Variants in BARX2 observed in about 807,000 individuals in gnomAD.
The protein encoded by BARX2 is BARX homeobox 2, also known as homeobox protein BarH-like 2.
BARX2 carries 11 observed loss-of-function variants against 25.5 expected under a neutral mutation model. That is an observed-to-expected ratio of 0.43 (90% confidence interval 0.27 to 0.71). BARX2 has a LOEUF of 0.71. Among genes scored for constraint, BARX2 ranks in the 30% least tolerant of loss-of-function variants. The pLI, the probability that BARX2 is intolerant of heterozygous loss-of-function variation, is 0.19. For synonymous variants in BARX2, 137 were observed against 149.5 expected (o/e 0.92, Z 0.61); for missense variants, 360 against 359.9 (o/e 1.00, Z 0.00).
intron 1 of BARX2, among the ~76,000 whole-genome samples, chr11:129,394,195 A>G (rs1010825330): frequency 1.9e-4 from 29 of 152,156 alleles, no homozygotes; most frequent in African/African-American, 7.0e-4. Flanking sequence ...TGCATTTCCC[A>G]GATTCCTCTC....
At chr11:129,448,429 A>G (rs1862356437) in intron 3 of BARX2, among the ~76,000 whole-genome samples, 1 of 152,254 alleles carries the variant, frequency 6.6e-6, no homozygotes, top group Non-Finnish European at 1.5e-5. Context: ...CTCAATAATA[A>G]AAAGACAACC....
intron 1 of BARX2, among the ~76,000 whole-genome samples, chr11:129,410,981 T>G (rs901009335): frequency 1.3e-5 from 2 of 152,158 alleles, no homozygotes; most frequent in Admixed American, 6.5e-5. Context: ...TCCAAGTACA[T>G]TCTTAGACAG....
rs1053728379 is a variant in BARX2 at position 129,390,718 on chromosome 11, G to A, written c.187+14496G>A. On this transcript the variant is annotated intron_variant, in intron 1 of 3. Transcript: ENST00000281437. The surrounding 1 kb of genome is among the most constrained non-coding windows in gnomAD (Gnocchi z 4.3). ...TGAGTACGTGCTTATTTTCAGAGGC[G>A]TTCCCCATAACTGACAGCAGTCAAT... is the stretch of plus-strand genomic sequence containing the variant. Among the ~76,000 whole-genome samples, 2 of 152,252 alleles carry A rather than the reference G, an allele frequency of 1.3e-5. No individual in the cohort carries two copies. Among genetic ancestry groups the A allele is most frequent in the East Asian group, 1.9e-4 (1 of 5,180 alleles).
intron 1 of BARX2, among the ~76,000 whole-genome samples, chr11:129,389,727 T>TA (rs1861648463): frequency 6.4e-5 from 2 of 31,494 alleles, no homozygotes; most frequent in South Asian, 9.6e-4. Context: ...TTTTTTTTTT[T>TA]GAAAAAAAAT....
intron 2 of BARX2, chr11:129,442,606 C>G: frequency 1.9e-6 from 1 of 519,698 alleles, no homozygotes; most frequent in Non-Finnish European, 3.5e-6. Context: ...AGGATGGGGA[C>G]TGGCCCAGGT....
At chr11:129,382,995 C>T (rs559139554) in intron 1 of BARX2, among the ~76,000 whole-genome samples, 70 of 152,296 alleles carry the variant, frequency 4.6e-4, no homozygotes, top group African/African-American at 1.6e-3. Flanking sequence ...GAGGATGGAA[C>T]GGTAGTTTCT....
intron 2 of BARX2, 185 bp downstream of exon 2, chr11:129,437,236 C>A (rs572273683): frequency 3.0e-6 from 2 of 673,716 alleles, no homozygotes; most frequent in East Asian, 6.4e-5. Flanking sequence ...ATCCACCACA[C>A]GGTCCCTGGA....
chr11:129,445,102 T>C (rs1265684700), intron 3 of BARX2, among the ~76,000 whole-genome samples: 1 of 152,220 alleles, frequency 6.6e-6, no homozygotes, highest in Admixed American at 6.5e-5. Flanking sequence ...CCAAAAACTC[T>C]ACAGTGCCAA....
At chr11:129,445,316 T>C (rs566942961) in intron 3 of BARX2, among the ~76,000 whole-genome samples, 1 of 152,306 alleles carries the variant, frequency 6.6e-6, no homozygotes, top group Admixed American at 6.5e-5. Flanking sequence ...AGCAGAGGCA[T>C]TGTTTAAATT....
chr11:129,406,834 AG>A (rs2135395911), intron 1 of BARX2, among the ~76,000 whole-genome samples: 1 of 152,360 alleles, frequency 6.6e-6, no homozygotes, highest in East Asian at 1.9e-4. Context: ...ATGGGAGCAA[AG>A]GGACCACTGG....
At chr11:129,434,485 GAACTGCTGGCTTC>G (rs1475186086) in intron 1 of BARX2, among the ~76,000 whole-genome samples, 4 of 139,018 alleles carry the variant, frequency 2.9e-5, no homozygotes, top group Non-Finnish European at 4.6e-5. Flanking sequence ...GGCTGGTCTT[GAACTGCTGGCTTC>G]AAGCAGTCCT....
intron 1 of BARX2, among the ~76,000 whole-genome samples, chr11:129,426,675 C>T (rs113824909): frequency 3.4e-4 from 52 of 152,322 alleles, no homozygotes; most frequent in African/African-American, 1.1e-3. Context: ...CCACACCTGG[C>T]CCCGCTGCCT....
At chr11:129,391,038 A>G (rs1861660692) in intron 1 of BARX2, among the ~76,000 whole-genome samples, 1 of 152,172 alleles carries the variant, frequency 6.6e-6, no homozygotes, top group African/African-American at 2.4e-5. Context: ...GGTAAAACAC[A>G]TCTTACCTCC....
chr11:129,430,297 CATACTT>C (rs1337484919), intron 1 of BARX2, among the ~76,000 whole-genome samples: 1 of 149,722 alleles, frequency 6.7e-6, no homozygotes, highest in East Asian at 1.9e-4. Flanking sequence ...AAAAATGTGA[CATACTT>C]ATATTTTGTA....
chr11:129,420,033 G>A (rs116478651), intron 1 of BARX2, among the ~76,000 whole-genome samples: 2,105 of 151,956 alleles, frequency 0.014, 41 homozygotes, highest in African/African-American at 0.047. Context: ...CGCCTGCATC[G>A]GCCTCCCAAA....
At chr11:129,441,199 C>T (rs903659131) in intron 2 of BARX2, among the ~76,000 whole-genome samples, 5 of 152,146 alleles carry the variant, frequency 3.3e-5, no homozygotes, top group South Asian at 2.1e-4. Context: ...AGCATCCCTG[C>T]GATCCCCTTT....
At chr11:129,405,975 G>A (rs1861825449) in intron 1 of BARX2, among the ~76,000 whole-genome samples, 2 of 152,062 alleles carry the variant, frequency 1.3e-5, no homozygotes, top group Non-Finnish European at 2.9e-5. Flanking sequence ...TGATTGTCTT[G>A]CTTTATAGGT....
At position 129,414,872 on chromosome 11, in the gene BARX2, G is replaced by A. The variant is rs569237212; in HGVS notation, c.188-21879G>A. 1.2e-4 allele frequency among the ~76,000 whole-genome samples: 18 copies of A among 152,308 alleles called. No individual in the cohort carries two copies. The South Asian group carries it at 1.2e-3, about 11-fold the overall frequency. ...AGTTTAGGCCAAAAATAATTAAAGA[G>A]AACAATAGTGCTGTCAATAAAACTC... On this transcript the variant is annotated intron_variant, in intron 1 of 3. Transcript: ENST00000281437.
Position 129,452,174 on chromosome 11 carries a change from T to C in BARX2, c.*772T>C, listed in dbSNP as rs1349215422. The C allele has an allele frequency of 2.0e-5, 3 of 152,116 alleles. No homozygotes were observed. Among genetic ancestry groups the C allele is most frequent in the Admixed American group, 2.0e-4 (3 of 15,280 alleles). 9.4% of individuals were successfully genotyped at this position (152,116 alleles called of 1,614,324 possible). ...AGATCTGATTTTTCATAAAAAACAT[T>C]TGTGACCTTCGGCATAAATGGGTTA... On this transcript the variant is annotated 3_prime_UTR_variant, in exon 4 of 4. Coordinates refer to ENST00000281437, the MANE Select transcript of BARX2 (RefSeq NM_003658.5).
Sources: gnomAD v4.1 joint callset for allele counts (sites outside exome capture counted in the v4.1 genomes callset) on GRCh38, gnomAD v4.1.1 for gene constraint, Gnocchi (gnomAD v3.1) non-coding constraint, MANE v1.5 for transcripts, NCBI Gene and HGNC (gene_info 2026-07-23, HGNC 2026-07-21) for gene names.